MYT1L: variants seen among roughly 807,000 people sequenced by gnomAD.
MYT1L encodes the protein myelin transcription factor 1 like.
A neutral mutation model predicts 126.7 loss-of-function variants in MYT1L; 12 were observed. The ratio of observed to expected loss-of-function variants is 0.09; its 90% CI spans 0.06 to 0.15. MYT1L has a LOEUF of 0.15. Ranked by LOEUF, MYT1L falls within the 10% of genes least tolerant of loss-of-function variation. The pLI is 1.00. For missense variants in MYT1L, 979 were observed against 1,585.2 expected, an observed-to-expected ratio of 0.62 and a Z score of 6.49; for synonymous variants, 541 against 604.2, an observed-to-expected ratio of 0.90 and a Z score of 1.53.
chr2:2,129,517 A>G (rs1277715820), intron 3 of MYT1L, among the ~76,000 whole-genome samples: 1 of 152,206 alleles, frequency 6.6e-6, no homozygotes, highest in Non-Finnish European at 1.5e-5. Context: ...CTGTCCCCCC[A>G]GAGTGCCTGT....
At chr2:1,974,987 G>A (rs948555142) in intron 8 of MYT1L, among the ~76,000 whole-genome samples, 1 of 152,012 alleles carries the variant, frequency 6.6e-6, no homozygotes, top group African/African-American at 2.4e-5. Context: ...GACAGGATTT[G>A]GAAATTAATG....
intron 10 of MYT1L, among the ~76,000 whole-genome samples, chr2:1,921,486 T>C (rs968764113): frequency 4.6e-5 from 7 of 152,192 alleles, no homozygotes; most frequent in African/African-American, 1.4e-4. Context: ...CATTGACATA[T>C]GCAAACATGT....
Position 2,050,238 on chromosome 2 carries a change from T to C in MYT1L, c.-158+3740A>G, listed in dbSNP as rs555822470. Among the ~76,000 whole-genome samples the C allele has an allele frequency of 2.0e-5, 3 of 152,326 alleles. No homozygotes were observed. In the South Asian group the frequency reaches 6.2e-4, roughly 32 times the overall value. On this transcript the variant is annotated intron_variant, in intron 4 of 24. Transcript: ENST00000647738. ...CGCTGGCAGTTTCAGGACTACCTGATGACATTTGCTCACTGTTTTAAATAT... is the reference window on the plus strand; with the variant it reads ...CGCTGGCAGTTTCAGGACTACCTGACGACATTTGCTCACTGTTTTAAATAT...
At chr2:1,798,817 T>G (rs1359895342) in intron 23 of MYT1L, among the ~76,000 whole-genome samples, 1 of 152,208 alleles carries the variant, frequency 6.6e-6, no homozygotes, top group Non-Finnish European at 1.5e-5. Flanking sequence ...AGAGCTGGCC[T>G]GCCCCACGTT....
chr2:1,967,144 A>C (rs1312364587), intron 8 of MYT1L, among the ~76,000 whole-genome samples: 1 of 152,198 alleles, frequency 6.6e-6, no homozygotes, highest in Non-Finnish European at 1.5e-5. Flanking sequence ...TCCTCGCTTT[A>C]ATCCTCAGCA....
chr2:1,928,694 T>C lies in MYT1L; in HGVS notation c.506-5431A>G, dbSNP rs375073178. ...GTTTTTTTTTCTCCTTTCAATACTC[T>C]GCATTGATTTATGGACTGAAGGCTT... On this transcript the variant is annotated intron_variant, in intron 9 of 24. Transcript: ENST00000647738. 2.6e-4 allele frequency among the ~76,000 whole-genome samples: 39 copies of C among 152,290 alleles called. 1 individual carries two copies. The highest frequency in any genetic ancestry group is 2.3e-3 in the East Asian group (12 of 5,182).
At chr2:2,088,841 G>A (rs1468205976) in intron 3 of MYT1L, among the ~76,000 whole-genome samples, 2 of 152,124 alleles carry the variant, frequency 1.3e-5, no homozygotes, top group African/African-American at 4.8e-5. Context: ...AAAGCATAGA[G>A]CCTGTCTCAT....
chr2:2,082,788 T>C (rs2075978062), intron 3 of MYT1L, among the ~76,000 whole-genome samples: 1 of 152,180 alleles, frequency 6.6e-6, no homozygotes. Flanking sequence ...GACTATTGCA[T>C]GATTAGGAAT....
At chr2:1,957,585 CATCTATCTATCTATT>C (rs1376167963) in intron 8 of MYT1L, among the ~76,000 whole-genome samples, 1 of 150,548 alleles carries the variant, frequency 6.6e-6, no homozygotes, top group East Asian at 1.9e-4. Flanking sequence ...ACCTATCATC[CATCTATCTATCTATT>C]ATCTATCTAT....
At chr2:2,020,307 G>A (rs1045747128) in intron 4 of MYT1L, among the ~76,000 whole-genome samples, 15 of 152,194 alleles carry the variant, frequency 9.9e-5, no homozygotes, top group African/African-American at 3.6e-4. Context: ...ATGTTTGTAT[G>A]TGTCTCTTTC....
Position 1,910,164 on chromosome 2 carries a change from G to T in MYT1L, c.1817+76C>A. On this transcript the variant is annotated intron_variant, in intron 13 of 24. Coordinates refer to ENST00000647738, the MANE Select transcript of MYT1L (RefSeq NM_001303052.2). The surrounding 1 kb of genome is among the most constrained non-coding windows in gnomAD (Gnocchi z 4.8). ...CTGCTGCTGTAGGGACATGCCCTGAGCGGGTGTCCCCAGCGCTCCGAGGTG... is the reference window on the plus strand; with the variant it reads ...CTGCTGCTGTAGGGACATGCCCTGATCGGGTGTCCCCAGCGCTCCGAGGTG... The T allele has an allele frequency of 7.5e-7, 1 of 1,337,434 alleles. No individual in the cohort carries two copies. Among genetic ancestry groups the T allele is most frequent in the Non-Finnish European group, 1.1e-6 (1 of 948,862 alleles). The allele number at this position is 1,337,434 out of a possible 1,614,324, so 82.8% of individuals were successfully genotyped here. A position where few individuals can be genotyped will look rare whatever the true frequency, so the allele number is the denominator to read the frequency against.
chr2:1,895,018 C>T (rs2049399547), intron 14 of MYT1L, among the ~76,000 whole-genome samples: 1 of 152,208 alleles, frequency 6.6e-6, no homozygotes, highest in Admixed American at 6.5e-5. Context: ...AGTTCAGTAT[C>T]TTATCAATTA....
chr2:1,967,761 G>C (rs1245224388), intron 8 of MYT1L, among the ~76,000 whole-genome samples: 1 of 152,144 alleles, frequency 6.6e-6, no homozygotes, highest in Non-Finnish European at 1.5e-5. Context: ...GTTTTGCTGC[G>C]CAGGCGAGAC....
At position 2,106,244 on chromosome 2, in the gene MYT1L, T is replaced by C. The variant is rs544263846; in HGVS notation, c.-303-52121A>G. 4.6e-5 allele frequency among the ~76,000 whole-genome samples: 7 copies of C among 152,344 alleles called. No homozygotes were observed. In the South Asian group the frequency reaches 6.2e-4, roughly 14 times the overall value. Reference sequence around the variant, plus strand: ...TAGAGAAAGTGAGATAAAGTCTTTATTGTAATTGGTTGCATTCTTTTCTTT... The same window carrying C: ...TAGAGAAAGTGAGATAAAGTCTTTACTGTAATTGGTTGCATTCTTTTCTTT... On this transcript the variant is annotated intron_variant, in intron 3 of 24. Coordinates refer to ENST00000647738, the MANE Select transcript of MYT1L (RefSeq NM_001303052.2).
intron 8 of MYT1L, among the ~76,000 whole-genome samples, chr2:1,960,549 C>T (rs1036753031): frequency 4.6e-5 from 7 of 152,210 alleles, no homozygotes; most frequent in African/African-American, 1.4e-4. Flanking sequence ...AAGACTGATA[C>T]TGCCAATATT....
intron 2 of MYT1L, among the ~76,000 whole-genome samples, chr2:2,252,637 T>C (rs921247017): frequency 6.6e-6 from 1 of 152,124 alleles, no homozygotes; most frequent in Non-Finnish European, 1.5e-5. Context: ...GGGCGGGGTG[T>C]TGAAGGGGGA....
chr2:1,914,948 G>A (rs2052606969), intron 11 of MYT1L, among the ~76,000 whole-genome samples: 1 of 152,176 alleles, frequency 6.6e-6, no homozygotes. Context: ...ATCACCTCAC[G>A]GCGGCCTTGG....
chr2:2,132,989 C>T (rs2082580750), intron 3 of MYT1L, among the ~76,000 whole-genome samples: 1 of 152,066 alleles, frequency 6.6e-6, no homozygotes, highest in African/African-American at 2.4e-5. Flanking sequence ...TTCATATTCA[C>T]TGACAATTGC....
At position 1,917,654 on chromosome 2, in the gene MYT1L, C is replaced by T. The variant is rs138587261; in HGVS notation, c.1484-315G>A. On this transcript the variant is annotated intron_variant, in intron 10 of 24. Coordinates refer to ENST00000647738, the MANE Select transcript of MYT1L (RefSeq NM_001303052.2). This position sits in a 1 kb window ranked among gnomAD's most constrained non-coding sequence, Gnocchi z 5.9. The stretch of plus-strand genomic sequence containing the variant: ...AAGCTGTGTTGCTCAAAGGAATCAA[C>T]GTAAATCGTGATGAGACAGTGACCT... Among the ~76,000 whole-genome samples, 1,627 of 152,282 alleles carry T rather than the reference C, an allele frequency of 0.011. 15 individuals carry two copies. The highest frequency in any genetic ancestry group is 0.024 in the Middle Eastern group (7 of 294).
Sources: gnomAD v4.1 joint callset for allele counts (sites outside exome capture counted in the v4.1 genomes callset) on GRCh38, gnomAD v4.1.1 for gene constraint, Gnocchi (gnomAD v3.1) non-coding constraint, MANE v1.5 for transcripts, NCBI Gene and HGNC (gene_info 2026-07-23, HGNC 2026-07-21) for gene names.